The following YME1L1 variants were observed in gnomAD, a reference collection of about 807,000 sequenced individuals.
YME1L1 encodes YME1 like 1 ATPase.
Under a neutral mutation model 90.4 loss-of-function variants are expected in YME1L1, and 39 were observed. That is an observed-to-expected ratio of 0.43 (90% CI 0.33 to 0.56). YME1L1 has a LOEUF of 0.56. YME1L1 is among the 20% of genes least tolerant of loss of function. The pLI is 0.03. For synonymous variants in YME1L1, 284 were observed against 287.3 expected (o/e 0.99, Z 0.12); for missense variants, 617 against 868.4 (o/e 0.71, Z 3.64).
chr10:27,154,137 C>T (rs779383461), intron 1 of YME1L1, 41 bp downstream of exon 1: 3 of 1,566,544 alleles, frequency 1.9e-6, no homozygotes, highest in Middle Eastern at 1.7e-4. Context: ...CAGCCACGGG[C>T]AGGGCGGGAG....
intron 4 of YME1L1, among the ~76,000 whole-genome samples, chr10:27,136,763 CTT>C (rs1376299142): frequency 3.3e-5 from 5 of 150,488 alleles, no homozygotes. Context: ...GAGTTTCACT[CTT>C]GTTGCCCAGG....
chr10:27,151,565 A>G (rs2057216335), intron 1 of YME1L1, among the ~76,000 whole-genome samples: 1 of 152,250 alleles, frequency 6.6e-6, no homozygotes, highest in Non-Finnish European at 1.5e-5. Flanking sequence ...TAAGGAATAA[A>G]GCTGACCGTA....
intron 12 of YME1L1, among the ~76,000 whole-genome samples, chr10:27,121,147 C>A (rs1344225195): frequency 6.6e-6 from 1 of 152,160 alleles, no homozygotes; most frequent in Non-Finnish European, 1.5e-5. Flanking sequence ...TCACCACAAT[C>A]TAATTTTAGA....
chr10:27,122,961 G>A lies in YME1L1; in HGVS notation c.1115C>T (p.Ala372Val), dbSNP rs746446455. ...AATAAATATAACACAAGGAGCATTCGCCTTTGCTTCCCCTAAGAAAACAAA... is the reference window on the plus strand; with the variant it reads ...AATAAATATAACACAAGGAGCATTCACCTTTGCTTCCCCTAAGAAAACAAA... ...RIRNLFREAK[A>V]NAPCVIFIDE... The change falls in exon 11 of 19, where the codon GCG (alanine) becomes GTG (valine). Residue 372 changes from alanine to valine, a missense_variant. Transcript: ENST00000376016. The A allele has an allele frequency of 1.1e-5, 18 of 1,610,288 alleles. No homozygotes were observed. The highest frequency in any genetic ancestry group is 2.2e-5 in the East Asian group (1 of 44,738).
Position 27,116,068 on chromosome 10 carries a change from T to C in YME1L1, c.1912A>G (p.Ser638Gly). 1 of 1,613,146 alleles carries C rather than the reference T, an allele frequency of 6.2e-7. No individual in the cohort carries two copies. The highest frequency in any genetic ancestry group is 8.5e-7 in the Non-Finnish European group (1 of 1,179,544). ...AKRMVTKFGM[S>G]EKLGVMTYSD... ...TTTAAAAAATCTATTACCTTTTCAC[T>C]CATTCCAAATTTGGTAACCATCCGC... Residue 638 changes from serine (S) to glycine (G), a missense_variant, in exon 17 of 19, where the codon AGT becomes GGT. Coordinates refer to ENST00000376016, the MANE Select transcript of YME1L1 (RefSeq NM_014263.4).
chr10:27,125,687 T>C (rs1273945424), intron 9 of YME1L1, among the ~76,000 whole-genome samples: 1 of 148,582 alleles, frequency 6.7e-6, no homozygotes, highest in African/African-American at 2.5e-5. Flanking sequence ...TCACCCAGAC[T>C]GGAGTGCAGT....
intron 7 of YME1L1, 151 bp from the exon 8 acceptor site, chr10:27,132,092 G>C (rs1467478216): frequency 1.7e-6 from 1 of 601,782 alleles, no homozygotes; most frequent in African/African-American, 1.9e-5. Context: ...ATAGAAACTA[G>C]GTCTTCTGGA....
At chr10:27,122,798 G>A (rs761469686) in intron 11 of YME1L1, 43 bp downstream of exon 11, 3 of 1,607,712 alleles carry the variant, frequency 1.9e-6, no homozygotes, top group East Asian at 4.5e-5. Flanking sequence ...ATCAAATGCT[G>A]GGAGGCATCA....
At chr10:27,117,749 A>T in intron 14 of YME1L1, 22 bp from the exon 15 acceptor site, 1 of 1,611,248 alleles carries the variant, frequency 6.2e-7, no homozygotes, top group Non-Finnish European at 8.5e-7. Context: ...TTAATTGAGT[A>T]AATACTCCAT....
intron 1 of YME1L1, among the ~76,000 whole-genome samples, chr10:27,151,220 C>A (rs988505202): frequency 6.6e-6 from 1 of 152,108 alleles, no homozygotes; most frequent in Non-Finnish European, 1.5e-5. Context: ...CCGCGCCTGG[C>A]GACTCTCTCG....
rs1169584694 is a variant in YME1L1, at chr10:27,134,067, A to G, written c.747T>C (p.Tyr249=). 6.2e-7 allele frequency: 1 copy of G among 1,613,884 alleles called. No individual in the cohort carries two copies. Among genetic ancestry groups the G allele is most frequent in the South Asian group, 1.1e-5 (1 of 90,998 alleles). The change falls in exon 7 of 19, where the codon TAT becomes TAC. Residue 249 remains tyrosine (Y), a synonymous_variant. Coordinates refer to ENST00000376016, the MANE Select transcript of YME1L1 (RefSeq NM_014263.4). ...ILFVLLLFGI[Y]GLLKNPFLSV... ...ATAAAAATGGGTTTTTTAGAAGTCC[A>G]TAAATGCCGAATAGCAGCAGAACGA...
At chr10:27,149,768 T>A (rs1434011694) in intron 1 of YME1L1, among the ~76,000 whole-genome samples, 2 of 56,660 alleles carry the variant, frequency 3.5e-5, no homozygotes, top group South Asian at 5.1e-4. Flanking sequence ...ACATCCAACA[T>A]TTAAAAAAAA....
rs534522674 is a variant in YME1L1, at chr10:27,125,458, G to GGAAA, written c.949+1237_949+1238insTTTC. Reference sequence around the variant, plus strand: ...AAGGAATTGTTTCATTGTTTCATTTGAAAAAAAAAAAAAAAAAAACAATAA... The same window carrying GGAAA: ...AAGGAATTGTTTCATTGTTTCATTTGGAAAAAAAAAAAAAAAAAAAAAACAATAA... On this transcript the variant is annotated intron_variant, in intron 9 of 18. Transcript: ENST00000376016. Among the ~76,000 whole-genome samples, 337 of 107,696 alleles carry GGAAA rather than the reference G, an allele frequency of 3.1e-3. 4 individuals carry two copies. Among genetic ancestry groups the GGAAA allele is most frequent in the African/African-American group, 0.011 (311 of 28,062 alleles). The allele number at this position is 107,696 out of a possible 152,430, so 70.7% of individuals were successfully genotyped here. A position where few individuals can be genotyped will look rare whatever the true frequency, so the allele number is the denominator to read the frequency against.
At chr10:27,119,481 G>A (rs1237498528) in intron 13 of YME1L1, 32 bp from the exon 14 acceptor site, 1 of 1,577,094 alleles carries the variant, frequency 6.3e-7, no homozygotes, top group Admixed American at 2.0e-5. Flanking sequence ...ACGCTAATAA[G>A]TCTAAAACAG....
At chr10:27,143,437 C>T (rs1271671809) in intron 3 of YME1L1, among the ~76,000 whole-genome samples, 2 of 151,824 alleles carry the variant, frequency 1.3e-5, no homozygotes, top group South Asian at 2.1e-4. Context: ...CGGTGCCTCA[C>T]GCCTGTAATC....
At chr10:27,112,190 A>G (rs959124225) in intron 18 of YME1L1, 70 bp from the exon 19 acceptor site, 2 of 1,438,830 alleles carry the variant, frequency 1.4e-6, no homozygotes, top group African/African-American at 2.9e-5. Flanking sequence ...ATGGGAAGAG[A>G]AAGAAAAACT....
At chr10:27,118,869 C>T (rs1454347330) in intron 14 of YME1L1, among the ~76,000 whole-genome samples, 1 of 152,162 alleles carries the variant, frequency 6.6e-6, no homozygotes, top group East Asian at 1.9e-4. Flanking sequence ...TCCCCACTAC[C>T]AGTTTAACTA....
intron 10 of YME1L1, among the ~76,000 whole-genome samples, chr10:27,123,342 A>G (rs1450705785): frequency 6.6e-6 from 1 of 152,164 alleles, no homozygotes; most frequent in Non-Finnish European, 1.5e-5. Flanking sequence ...AGCTCTTCCG[A>G]TAATTCATAT....
rs1411041984 is a variant in YME1L1 at position 27,136,294 on chromosome 10, T to C, written c.522A>G (p.Ile174Met). The change falls in exon 5 of 19, where the codon ATA (isoleucine) becomes ATG (methionine). Residue 174 changes from isoleucine (I) to methionine (M), a missense_variant. Ile to Met is a conservative substitution (Grantham distance 10). This residue lies in a region of YME1L1 where 311 missense variants were observed against 335.8 expected (regional missense o/e 0.93). Transcript: ENST00000376016. ...TSERLAETQNIAPSFVKGFLL... is the reference protein window; with the variant it reads ...TSERLAETQNMAPSFVKGFLL... Reference sequence around the variant, plus strand: ...TAATTACCTTCACGAATGATGGCGCTATATTCTGTGTTTCAGCTAATCTCT... The same window carrying C: ...TAATTACCTTCACGAATGATGGCGCCATATTCTGTGTTTCAGCTAATCTCT... The C allele has an allele frequency of 6.2e-6, 10 of 1,613,104 alleles. No homozygotes were observed. Among genetic ancestry groups the C allele is most frequent in the Non-Finnish European group, 8.5e-6 (10 of 1,179,730 alleles).
Sources: gnomAD v4.1 joint callset for allele counts (sites outside exome capture counted in the v4.1 genomes callset) on GRCh38, gnomAD v4.1.1 for gene constraint, gnomAD v4.1.1 regional missense constraint, MANE v1.5 for transcripts, NCBI Gene and HGNC (gene_info 2026-07-23, HGNC 2026-07-21) for gene names.